Variants in CLCA1 observed in about 807,000 individuals in gnomAD.
The protein encoded by CLCA1 is calcium-activated chloride channel regulator 1.
In CLCA1, 59 loss-of-function variants were observed where a neutral mutation model predicts 85.6. The ratio of observed to expected loss-of-function variants is 0.69; its 90% CI spans 0.56 to 0.86. The LOEUF (loss-of-function observed/expected upper bound fraction) is 0.86, where lower values mean the gene tolerates loss of function less well. CLCA1 is among the 40% of genes least tolerant of loss of function. The probability of loss-of-function intolerance (pLI) is 0.00; values close to 1 mark genes in which losing one functional copy is unlikely to be tolerated. For synonymous variants in CLCA1, 396 were observed against 398.3 expected, an observed-to-expected ratio of 0.99 and a Z score of 0.07; for missense variants, 1,022 against 1,101.4, an observed-to-expected ratio of 0.93 and a Z score of 1.02.
In CLCA1 at chr1:86,476,393, G is replaced by A. The variant is rs574151353; in HGVS notation, c.452-55G>A. The A allele has an allele frequency of 6.0e-6, 5 of 837,010 alleles. No individual in the cohort carries two copies. In the East Asian group the frequency reaches 9.8e-5, roughly 16 times the overall value. 51.8% of individuals were successfully genotyped at this position (837,010 alleles called of 1,614,324 possible). On this transcript the variant is annotated intron_variant, in intron 3 of 13. Coordinates refer to ENST00000394711, the MANE Select transcript of CLCA1 (RefSeq NM_001285.4). ...CAAACATTGCTTTCTTCCAGTGTGA[G>A]AAGGTAATTTTGCCATTCTTATTGT... is the stretch of plus-strand genomic sequence containing the variant.
chr1:86,485,713 T>C, intron 6 of CLCA1, 152 bp downstream of exon 6: 2 of 686,008 alleles, frequency 2.9e-6, no homozygotes, highest in Non-Finnish European at 2.5e-6. Flanking sequence ...TTCAACTTTG[T>C]TCAACAAAGG....
chr1:86,497,355 G>A (rs184124910), intron 12 of CLCA1, among the ~76,000 whole-genome samples: 2 of 152,308 alleles, frequency 1.3e-5, no homozygotes, highest in African/African-American at 4.8e-5. Flanking sequence ...TGGGTATGAA[G>A]ATTAAACGGT....
Position 86,494,325 on chromosome 1 carries a change from C to G in CLCA1, c.1819C>G (p.Pro607Ala). ...TNKDTSKFPS[P>A]LVVYANIRQG... ...CAAGGACACCAGCAAATTCCCCAGCCCTCTGGTAGTTTATGCAAATATTCG... is the reference window on the plus strand; with the variant it reads ...CAAGGACACCAGCAAATTCCCCAGCGCTCTGGTAGTTTATGCAAATATTCG... The change falls in exon 11 of 14, where the codon CCT becomes GCT. Residue 607 changes from proline to alanine, a missense_variant. Transcript: ENST00000394711. 1 of 1,614,154 alleles carries G rather than the reference C, an allele frequency of 6.2e-7. No individual in the cohort carries two copies.
chr1:86,480,467 A>G (rs561929956), intron 4 of CLCA1, among the ~76,000 whole-genome samples: 61 of 152,210 alleles, frequency 4.0e-4, no homozygotes, highest in African/African-American at 1.4e-3. Context: ...TACAAAAAAT[A>G]CAAAAATTGG....
chr1:86,469,260 C>A, intron 1 of CLCA1, 127 bp downstream of exon 1: 3 of 618,162 alleles, frequency 4.9e-6, no homozygotes, highest in Non-Finnish European at 8.0e-6. Context: ...TCAGTTTCTT[C>A]ATCTGTAAAA....
intron 1 of CLCA1, among the ~76,000 whole-genome samples, chr1:86,471,856 G>A (rs1647506865): frequency 6.6e-6 from 1 of 152,036 alleles, no homozygotes; most frequent in African/African-American, 2.4e-5. Context: ...CTTAGGAAGA[G>A]GCACAGCAGG....
chr1:86,479,944 A>G (rs775222644), intron 4 of CLCA1, among the ~76,000 whole-genome samples: 1 of 152,200 alleles, frequency 6.6e-6, no homozygotes, highest in Non-Finnish European at 1.5e-5. Flanking sequence ...ATGATAATTT[A>G]GTTATTATAG....
At chr1:86,497,491 T>C (rs1185885345) in intron 12 of CLCA1, among the ~76,000 whole-genome samples, 1 of 152,196 alleles carries the variant, frequency 6.6e-6, no homozygotes, top group East Asian at 1.9e-4. Flanking sequence ...ACTCTACAGA[T>C]TGAACAGACC....
chr1:86,485,188 C>G (rs1292859603), intron 5 of CLCA1, among the ~76,000 whole-genome samples, 155 bp from the exon 6 acceptor site: 1 of 152,180 alleles, frequency 6.6e-6, no homozygotes, highest in Non-Finnish European at 1.5e-5. Context: ...GGTAGGAAAT[C>G]TGCATTATTA....
At chr1:86,498,193 A>AGGAAGGAAGGAT (rs2101749984) in intron 12 of CLCA1, among the ~76,000 whole-genome samples, 1 of 151,106 alleles carries the variant, frequency 6.6e-6, no homozygotes, top group East Asian at 2.0e-4. Flanking sequence ...GAAGGATGGA[A>AGGAAGGAAGGAT]GGAAGGAAGG....
Position 86,482,274 on chromosome 1 carries a change from A to T in CLCA1, c.627A>T (p.Arg209Ser), listed in dbSNP as rs1339132253. 8 of 1,613,930 alleles carry T rather than the reference A, an allele frequency of 5.0e-6. No individual in the cohort carries two copies. The highest frequency in any genetic ancestry group is 4.5e-5 in the East Asian group (2 of 44,880). Residue 209 changes from arginine (R) to serine (S), a missense_variant, in exon 5 of 14, where the codon AGA (arginine) becomes AGT (serine). Physicochemically the swap from Arg to Ser is moderately radical, Grantham distance 110. Coordinates refer to ENST00000394711, the MANE Select transcript of CLCA1 (RefSeq NM_001285.4). ...AGGGAGGCAGCTGTTACACCAAAAG[A>T]TGCACATTCAATAAAGTAACAGGAC... is the stretch of plus-strand genomic sequence containing the variant. ...KCQGGSCYTK[R>S]CTFNKVTGLY...
At position 86,486,499 on chromosome 1, in the gene CLCA1, C is replaced by T. The variant is rs202202022; in HGVS notation, c.955-27C>T. 3.2e-4 allele frequency: 518 copies of T among 1,603,554 alleles called. 1 individual carries two copies. Among genetic ancestry groups the T allele is most frequent in the Admixed American group, 8.2e-4 (49 of 59,906 alleles). ...ATTAGTCTTTCCATCTAAACGTAAC[C>T]TGTTTTTCTTTTGCTTCTCCATTTA... On this transcript the variant is annotated intron_variant, in intron 6 of 13. Transcript: ENST00000394711.
At chr1:86,476,865 G>A (rs942584701) in intron 4 of CLCA1, among the ~76,000 whole-genome samples, 2 of 152,000 alleles carry the variant, frequency 1.3e-5, no homozygotes, top group Non-Finnish European at 2.9e-5. Flanking sequence ...CATCAGTGAC[G>A]TAAGCAGAGC....
At chr1:86,491,427 G>T in intron 9 of CLCA1, 56 bp downstream of exon 9, 1 of 1,231,412 alleles carries the variant, frequency 8.1e-7, no homozygotes, top group Non-Finnish European at 1.2e-6. Flanking sequence ...AGCCAAGATG[G>T]AGAATTTAAT....
rs541475249 is a variant in CLCA1 at position 86,498,885 on chromosome 1, G to A, written c.2353+74G>A. 84 of 1,533,544 alleles carry A rather than the reference G, an allele frequency of 5.5e-5. 1 individual carries two copies. The South Asian group carries it at 1.0e-3, about 18-fold the overall frequency. 95.0% of individuals were successfully genotyped at this position (1,533,544 alleles called of 1,614,324 possible). A position where few individuals can be genotyped will look rare whatever the true frequency, so the allele number is the denominator to read the frequency against. On this transcript the variant is annotated intron_variant, in intron 13 of 13. Coordinates refer to ENST00000394711, the MANE Select transcript of CLCA1 (RefSeq NM_001285.4). ...AGAAGAGCAGAAGCGGGTGAGGCAG[G>A]CAGCCGTGTTCTGATACTTAGGGGG...
chr1:86,473,926 C>A, intron 3 of CLCA1, 50 bp downstream of exon 3: 1 of 1,360,758 alleles, frequency 7.3e-7, no homozygotes, highest in South Asian at 1.6e-5. Context: ...ATTTTATGTT[C>A]AAAGTGTATC....
intron 9 of CLCA1, among the ~76,000 whole-genome samples, chr1:86,492,461 G>A (rs1167648968): frequency 1.3e-5 from 2 of 152,134 alleles, no homozygotes; most frequent in Non-Finnish European, 2.9e-5. Flanking sequence ...GGAGAAATGA[G>A]CAAGACTCAT....
At position 86,485,737 on chromosome 1, in the gene CLCA1, A is replaced by T. The variant is rs972621249; in HGVS notation, c.954+176A>T. Among the ~76,000 whole-genome samples, 19 of 152,324 alleles carry T rather than the reference A, an allele frequency of 1.2e-4. No individual in the cohort carries two copies. In the East Asian group the frequency reaches 2.5e-3, roughly 20 times the overall value. ...GTTCAACAAAGGTTCAGCATCAACTATCTCATTTGCCAAATTGAATTAATT... is the reference window on the plus strand; with the variant it reads ...GTTCAACAAAGGTTCAGCATCAACTTTCTCATTTGCCAAATTGAATTAATT... On this transcript the variant is annotated intron_variant, in intron 6 of 13. Transcript: ENST00000394711.
chr1:86,491,248 A>T lies in CLCA1; in HGVS notation c.1358-17A>T. 6.4e-7 allele frequency: 1 copy of T among 1,574,510 alleles called. No homozygotes were observed. Among genetic ancestry groups the T allele is most frequent in the Non-Finnish European group, 8.7e-7 (1 of 1,147,840 alleles). ...GCTTTCTGGAAAATAATTTCTGAAA[A>T]TGTAATTGCATTTTAGGAGGTTTAC... On this transcript the variant is annotated splice_polypyrimidine_tract_variant and intron_variant, in intron 8 of 13. Coordinates refer to ENST00000394711, the MANE Select transcript of CLCA1 (RefSeq NM_001285.4).
Sources: gnomAD v4.1 joint callset for allele counts (sites outside exome capture counted in the v4.1 genomes callset) on GRCh38, gnomAD v4.1.1 for gene constraint, MANE v1.5 for transcripts, NCBI Gene and HGNC (gene_info 2026-07-23, HGNC 2026-07-21) for gene names.